Variants in FMN2 observed in about 807,000 individuals in gnomAD.
FMN2 encodes the protein formin-2.
Under a neutral mutation model 142.3 loss-of-function variants are expected in FMN2, and 51 were observed. The ratio of observed to expected loss-of-function variants is 0.36; its 90% CI spans 0.29 to 0.45. The LOEUF is 0.45. Among genes scored for constraint, FMN2 ranks in the 20% least tolerant of loss-of-function variants. The pLI is 1.00. For missense variants in FMN2, 1,936 were observed against 2,122.8 expected (o/e 0.91, Z 1.73); for synonymous variants, 882 against 869.8 (o/e 1.01, Z -0.25).
chr1:240,258,978 G>A (rs1340302793), intron 7 of FMN2, among the ~76,000 whole-genome samples: 1 of 152,164 alleles, frequency 6.6e-6, no homozygotes, highest in African/African-American at 2.4e-5. Context: ...TATTTGTTGG[G>A]CTTAAAATCT....
At chr1:240,313,783 C>A (rs1010706685) in intron 8 of FMN2, among the ~76,000 whole-genome samples, 5 of 152,054 alleles carry the variant, frequency 3.3e-5, no homozygotes, top group African/African-American at 1.2e-4. Context: ...GCCTGGCCAA[C>A]CTGGTGAAAC....
intron 5 of FMN2, among the ~76,000 whole-genome samples, chr1:240,210,824 T>C (rs575026434): frequency 9.8e-5 from 15 of 152,338 alleles, no homozygotes; most frequent in African/African-American, 3.6e-4. Flanking sequence ...TTTACATTTT[T>C]ATACAGTGGC....
At chr1:240,103,756 T>C (rs757510187) in intron 1 of FMN2, among the ~76,000 whole-genome samples, 29 of 152,220 alleles carry the variant, frequency 1.9e-4, no homozygotes, top group Non-Finnish European at 3.1e-4. Context: ...AGAGAGTAAA[T>C]GACTTAACAT....
chr1:240,164,517 C>A (rs1376847717), intron 2 of FMN2, among the ~76,000 whole-genome samples: 4 of 151,964 alleles, frequency 2.6e-5, no homozygotes, highest in African/African-American at 9.7e-5. Context: ...TTTTGTATTT[C>A]CTTTAGTGCA....
intron 15 of FMN2, among the ~76,000 whole-genome samples, chr1:240,434,728 ATTTTTTT>A (rs34969961): frequency 7.6e-6 from 1 of 130,762 alleles, no homozygotes; most frequent in African/African-American, 2.9e-5. Context: ...CACCCTGCTA[ATTTTTTT>A]TTTTTTTTTT....
chr1:240,177,394 C>T (rs1664964436), intron 2 of FMN2, among the ~76,000 whole-genome samples: 3 of 145,400 alleles, frequency 2.1e-5, no homozygotes, highest in Non-Finnish European at 1.5e-5. Context: ...CAGGTTCATT[C>T]ACTGTTTCAT....
At chr1:240,254,180 G>A (rs929734110) in intron 6 of FMN2, among the ~76,000 whole-genome samples, 4 of 152,254 alleles carry the variant, frequency 2.6e-5, no homozygotes, top group Middle Eastern at 3.4e-3. Flanking sequence ...GCTGAGGGAC[G>A]CAGTAGTAGT....
Position 240,368,955 on chromosome 1 carries a change from T to TTATATATATATATATATATA in FMN2, c.4858+13065_4858+13066insTATATATATATATATATATA, listed in dbSNP as rs10671772. 1.6e-3 allele frequency among the ~76,000 whole-genome samples: 239 copies of TTATATATATATATATATATA among 148,038 alleles called. 2 individuals are homozygous for TTATATATATATATATATATA. The highest frequency in any genetic ancestry group is 5.9e-3 in the African/African-American group (236 of 39,702). On this transcript the variant is annotated intron_variant, in intron 14 of 17. Coordinates refer to ENST00000319653, the MANE Select transcript of FMN2 (RefSeq NM_020066.5). ...ATATTTAAAGTGTACAACACAATGT[T>TTATATATATATATATATATA]TATATATATATATATATAAACACAG...
intron 8 of FMN2, among the ~76,000 whole-genome samples, chr1:240,300,937 T>G (rs6684446): frequency 0.36 from 53,512 of 149,512 alleles, 9,925 homozygotes; most frequent in African/African-American, 0.44. Flanking sequence ...ACTTTCAACT[T>G]CCCTGTGTCT....
At chr1:240,156,189 G>A (rs1030317896) in intron 2 of FMN2, among the ~76,000 whole-genome samples, 20 of 152,084 alleles carry the variant, frequency 1.3e-4, no homozygotes, top group Non-Finnish European at 1.0e-4. Flanking sequence ...GTAGGAGGCC[G>A]AAGTGTGCTA....
At chr1:240,258,141 GT>G in intron 7 of FMN2, 109 bp downstream of exon 7, 1 of 765,288 alleles carries the variant, frequency 1.3e-6, no homozygotes, top group Non-Finnish European at 2.1e-6. Context: ...GTAAACCGAG[GT>G]TAGTATATAT....
At chr1:240,176,718 G>A (rs1664932197) in intron 2 of FMN2, among the ~76,000 whole-genome samples, 1 of 152,162 alleles carries the variant, frequency 6.6e-6, no homozygotes, top group South Asian at 2.1e-4. Context: ...GCTAAATAGC[G>A]CAGTTTCTGG....
chr1:240,168,392 G>A (rs1212792686), intron 2 of FMN2, among the ~76,000 whole-genome samples: 4 of 152,058 alleles, frequency 2.6e-5, no homozygotes, highest in African/African-American at 4.8e-5. Flanking sequence ...TTTGAGACCA[G>A]CCTGGGCAAC....
intron 2 of FMN2, chr1:240,170,718 T>C: frequency 6.5e-7 from 1 of 1,539,828 alleles, no homozygotes; most frequent in Non-Finnish European, 9.0e-7. Flanking sequence ...ATGGTGCTGC[T>C]GTGAACACTG....
At chr1:240,375,950 CATTTT>C (rs1453909113) in intron 14 of FMN2, among the ~76,000 whole-genome samples, 1 of 151,764 alleles carries the variant, frequency 6.6e-6, no homozygotes, top group Non-Finnish European at 1.5e-5. Flanking sequence ...GTCTTTCTTT[CATTTT>C]ATTTTTCTTA....
At chr1:240,315,656 A>T (rs540480558) in intron 8 of FMN2, among the ~76,000 whole-genome samples, 191 of 152,294 alleles carry the variant, frequency 1.3e-3, no homozygotes, top group African/African-American at 4.4e-3. Context: ...GCTATGGTAT[A>T]TTTGATCATT....
At chr1:240,200,846 G>A (rs1666096536) in intron 4 of FMN2, among the ~76,000 whole-genome samples, 1 of 152,060 alleles carries the variant, frequency 6.6e-6, no homozygotes, top group African/African-American at 2.4e-5. Flanking sequence ...AAAAAGTTCT[G>A]TTTATAAAAA....
intron 14 of FMN2, among the ~76,000 whole-genome samples, chr1:240,368,021 T>TATCATGTAG (rs1305830913): frequency 2.0e-5 from 3 of 152,182 alleles, no homozygotes; most frequent in Admixed American, 6.6e-5. Flanking sequence ...GTACCATTTC[T>TATCATGTAG]ATCATGTAGG....
At chr1:240,109,197 T>C (rs1335311817) in intron 1 of FMN2, among the ~76,000 whole-genome samples, 2 of 152,216 alleles carry the variant, frequency 1.3e-5, no homozygotes, top group Admixed American at 6.5e-5. Flanking sequence ...AGCCCTCTCA[T>C]GTATATAACC....
Sources: allele counts gnomAD v4.1 joint callset (sites outside exome capture counted in the v4.1 genomes callset), GRCh38; gene constraint gnomAD v4.1.1; transcripts MANE v1.5; gene names NCBI Gene and HGNC (gene_info 2026-07-23, HGNC 2026-07-21).